Variants in THTPA observed in about 807,000 individuals in gnomAD.
THTPA encodes thiamine-triphosphatase.
A neutral mutation model predicts 16.5 loss-of-function variants in THTPA; 16 were observed. That is an observed-to-expected ratio of 0.97 (90% CI 0.66 to 1.47). THTPA has a LOEUF of 1.47. Among genes scored for constraint, THTPA ranks in the 40% most tolerant of loss-of-function variants. THTPA has a pLI of 0.00. For synonymous variants in THTPA, 110 were observed against 115.5 expected, an observed-to-expected ratio of 0.95 and a Z score of 0.30; for missense variants, 281 against 280.9, an observed-to-expected ratio of 1.00 and a Z score of 0.00.
At chr14:23,549,579 G>A in the THTPA span, among the ~76,000 whole-genome samples, 4 of 152,064 alleles carry the variant, frequency 2.6e-5, no homozygotes, top group African/African-American at 9.7e-5. Flanking sequence ...TATGATAGTA[G>A]CAGGGGCCTA....
chr14:23,531,170 C>T, the THTPA span: 2 of 250,962 alleles, frequency 8.0e-6, no homozygotes, highest in Admixed American at 5.6e-5. Context: ...CTCCAGCCTG[C>T]CACCCTCCAG....
At chr14:23,524,941 C>T in the THTPA span, 2 of 1,536,276 alleles carry the variant, frequency 1.3e-6, no homozygotes, top group South Asian at 2.4e-5. This position sits in a 1 kb window ranked among gnomAD's most constrained non-coding sequence, Gnocchi z 5.6. Flanking sequence ...CGGAGGCTCC[C>T]CCAGTGCCTC....
chr14:23,525,855 G>C, the THTPA span: 2 of 1,455,376 alleles, frequency 1.4e-6, no homozygotes, highest in Non-Finnish European at 1.8e-6. This position sits in a 1 kb window ranked among gnomAD's most constrained non-coding sequence, Gnocchi z 5.9. Flanking sequence ...GGCAGGAGCA[G>C]CTGCTGCTGC....
At chr14:23,558,057 A>G (rs1464751276) in intron 1 of THTPA, among the ~76,000 whole-genome samples, 1 of 152,252 alleles carries the variant, frequency 6.6e-6, no homozygotes, top group Admixed American at 6.5e-5. Flanking sequence ...CATCCACACT[A>G]GGAATTGTGC....
the THTPA span, among the ~76,000 whole-genome samples, chr14:23,541,742 T>C: frequency 2.0e-5 from 3 of 152,250 alleles, no homozygotes; most frequent in South Asian, 6.2e-4. Flanking sequence ...AAAACTATTC[T>C]GGCCTTTCCC....
chr14:23,518,913 A>G, the THTPA span, among the ~76,000 whole-genome samples: 1 of 152,250 alleles, frequency 6.6e-6, no homozygotes, highest in Admixed American at 6.5e-5. The surrounding 1 kb of genome is among the most constrained non-coding windows in gnomAD (Gnocchi z 4.5). Context: ...GCTGCTAAGG[A>G]CTTCTGGTGT....
the THTPA span, chr14:23,525,854 AGCT>A: frequency 2.1e-6 from 3 of 1,455,242 alleles, no homozygotes; most frequent in South Asian, 1.4e-5. This position sits in a 1 kb window ranked among gnomAD's most constrained non-coding sequence, Gnocchi z 5.9. Context: ...GGGCAGGAGC[AGCT>A]GCTGCTGCTG....
chr14:23,558,079 C>A (rs1882705030), intron 1 of THTPA, among the ~76,000 whole-genome samples: 1 of 152,244 alleles, frequency 6.6e-6, no homozygotes, highest in Non-Finnish European at 1.5e-5. Context: ...TCCCATGGGG[C>A]CTTACAGCCC....
At chr14:23,517,911 A>G in the THTPA span, among the ~76,000 whole-genome samples, 1 of 152,086 alleles carries the variant, frequency 6.6e-6, no homozygotes, top group Non-Finnish European at 1.5e-5. Flanking sequence ...AATATTCAAC[A>G]TTTGGTCACT....
chr14:23,560,074 A>T lies in THTPA; in HGVS notation c.*1234A>T. On this transcript the variant is annotated 3_prime_UTR_variant, in exon 2 of 2. Transcript: ENST00000288014. ...GTTTAACAGAGCACAGTATGGCAGT[A>T]GGTAGGGCTCAGGCAGCCCCTCTAT... is the stretch of plus-strand genomic sequence containing the variant. The T allele has an allele frequency of 6.8e-7, 1 of 1,478,824 alleles. No homozygotes were observed. Among genetic ancestry groups the T allele is most frequent in the Non-Finnish European group, 9.4e-7 (1 of 1,068,200 alleles). 91.6% of individuals were successfully genotyped at this position (1,478,824 alleles called of 1,614,324 possible). A position where few individuals can be genotyped will look rare whatever the true frequency, so the allele number is the denominator to read the frequency against.
the THTPA span, among the ~76,000 whole-genome samples, chr14:23,541,379 C>G: frequency 6.6e-6 from 1 of 151,850 alleles, no homozygotes. Flanking sequence ...AACTCCACCC[C>G]TGGGTTCAAG....
the THTPA span, among the ~76,000 whole-genome samples, chr14:23,539,452 C>A: frequency 6.6e-6 from 1 of 152,130 alleles, no homozygotes; most frequent in Non-Finnish European, 1.5e-5. Flanking sequence ...AGATAAGAGG[C>A]TCAGATGTAA....
At chr14:23,524,126 G>A in the THTPA span, 1 of 1,535,646 alleles carries the variant, frequency 6.5e-7, no homozygotes, top group Non-Finnish European at 8.7e-7. This position sits in a 1 kb window ranked among gnomAD's most constrained non-coding sequence, Gnocchi z 5.6. Flanking sequence ...CTTGGGCAAG[G>A]ATGCAGGGGT....
upstream of THTPA, chr14:23,551,512 G>A (rs1322547845): frequency 2.1e-5 from 3 of 145,324 alleles, no homozygotes; most frequent in Non-Finnish European, 4.5e-5. The surrounding 1 kb of genome is among the most constrained non-coding windows in gnomAD (Gnocchi z 5.3). Flanking sequence ...GGACGGAGAC[G>A]GAAAAAAATA....
the THTPA span, chr14:23,522,520 C>A: frequency 6.5e-7 from 1 of 1,528,464 alleles, no homozygotes; most frequent in Non-Finnish European, 8.8e-7. Context: ...TCTGAGGTAT[C>A]ATGGGGTTCA....
the THTPA span, chr14:23,534,473 A>T: frequency 6.0e-5 from 92 of 1,536,280 alleles, 1 homozygote; most frequent in East Asian, 2.2e-3. The surrounding 1 kb of genome is among the most constrained non-coding windows in gnomAD (Gnocchi z 4.5). Context: ...AGGGCCTTGC[A>T]GCCTTCATCT....
At chr14:23,526,739 C>T in the THTPA span, 4 of 1,533,800 alleles carry the variant, frequency 2.6e-6, no homozygotes, top group Non-Finnish European at 3.5e-6. Flanking sequence ...AGACCCCACC[C>T]ACTCAATACC....
chr14:23,548,095 T>C, the THTPA span, among the ~76,000 whole-genome samples: 1 of 152,184 alleles, frequency 6.6e-6, no homozygotes, highest in East Asian at 1.9e-4. Flanking sequence ...TTAGTCTCCA[T>C]TCCTAAACCC....
rs1882366044 is a variant in THTPA, at chr14:23,556,300, C to G, written c.-458C>G. 6.3e-6 allele frequency: 1 copy of G among 159,962 alleles called. No individual in the cohort carries two copies. Among genetic ancestry groups the G allele is most frequent in the South Asian group, 1.8e-4 (1 of 5,620 alleles). The allele number at this position is 159,962 out of a possible 1,614,324, so 9.9% of individuals were successfully genotyped here. The stretch of plus-strand genomic sequence containing the variant: ...CTCGCGAGTGTATGGCGTGGGCTCC[C>G]TTCCCCCTCTGTGGGTCCCGCGAGG... On this transcript the variant is annotated 5_prime_UTR_variant, in exon 1 of 2. Coordinates refer to ENST00000288014, the MANE Select transcript of THTPA (RefSeq NM_024328.6).
Sources: gnomAD v4.1 joint callset for allele counts (sites outside exome capture counted in the v4.1 genomes callset) on GRCh38, gnomAD v4.1.1 for gene constraint, Gnocchi (gnomAD v3.1) non-coding constraint, MANE v1.5 for transcripts, NCBI Gene and HGNC (gene_info 2026-07-23, HGNC 2026-07-21) for gene names.